Variants in GPHN observed in about 807,000 individuals in gnomAD.
The protein encoded by GPHN is gephyrin.
Under a neutral mutation model 95.5 loss-of-function variants are expected in GPHN, and 17 were observed. The observed-to-expected ratio is 0.18, with a 90% CI of 0.12 to 0.27. The LOEUF (loss-of-function observed/expected upper bound fraction) is 0.27. GPHN is among the 10% of genes least tolerant of loss of function. The pLI is 1.00. For missense variants in GPHN, 660 were observed against 978.1 expected (o/e 0.67, Z 4.34); for synonymous variants, 320 against 322.5 (o/e 0.99, Z 0.08).
At chr14:66,580,316 T>C (rs1403067654) in intron 1 of GPHN, among the ~76,000 whole-genome samples, 2 of 151,740 alleles carry the variant, frequency 1.3e-5, no homozygotes, top group Non-Finnish European at 3.0e-5. Context: ...AATAACACAC[T>C]AAGCCCATAG....
chr14:66,812,706 T>G (rs2060810981), intron 3 of GPHN, among the ~76,000 whole-genome samples: 1 of 152,192 alleles, frequency 6.6e-6, no homozygotes, highest in South Asian at 2.1e-4. Context: ...ATTTAGTAAA[T>G]ATATAGCATC....
intron 5 of GPHN, among the ~76,000 whole-genome samples, chr14:66,902,070 T>A (rs1241483623): frequency 6.6e-6 from 1 of 152,074 alleles, no homozygotes; most frequent in African/African-American, 2.4e-5. Context: ...ATGGTTCTTC[T>A]TGTATAGGTC....
At chr14:67,726,624 TC>T in the GPHN span, among the ~76,000 whole-genome samples, 2 of 152,152 alleles carry the variant, frequency 1.3e-5, no homozygotes, top group African/African-American at 4.8e-5. Flanking sequence ...TGTTTTCTGA[TC>T]CTAAGCAAAT....
At chr14:67,699,937 C>G in the GPHN span, among the ~76,000 whole-genome samples, 2 of 151,878 alleles carry the variant, frequency 1.3e-5, no homozygotes, top group Non-Finnish European at 2.9e-5. Context: ...GTCAAGACAT[C>G]GAGACCATCC....
the GPHN span, among the ~76,000 whole-genome samples, chr14:67,654,198 C>T: frequency 2.6e-5 from 4 of 152,196 alleles, no homozygotes; most frequent in African/African-American, 9.7e-5. Flanking sequence ...CCTCGACCTC[C>T]CAGGCTCAAG....
chr14:67,157,493 A>G (rs2081664561), intron 18 of GPHN, among the ~76,000 whole-genome samples: 1 of 152,158 alleles, frequency 6.6e-6, no homozygotes, highest in Non-Finnish European at 1.5e-5. Context: ...AAGAGTATTC[A>G]AGGCAGAAAA....
At chr14:67,711,478 G>A in the GPHN span, among the ~76,000 whole-genome samples, 1 of 152,084 alleles carries the variant, frequency 6.6e-6, no homozygotes, top group Non-Finnish European at 1.5e-5. Context: ...GATTTGACTA[G>A]TCTTCCTTTT....
chr14:67,715,871 C>T, the GPHN span, among the ~76,000 whole-genome samples: 33 of 152,164 alleles, frequency 2.2e-4, no homozygotes, highest in Admixed American at 5.2e-4. Flanking sequence ...AAATGTAGAG[C>T]TTATTTCTGT....
the GPHN span, chr14:67,572,024 C>T: frequency 4.7e-6 from 7 of 1,478,538 alleles, no homozygotes; most frequent in Non-Finnish European, 4.6e-6. Context: ...CAGCTCCACC[C>T]CCAGCCCCAG....
At chr14:67,168,323 C>A (rs1178378670) in intron 20 of GPHN, among the ~76,000 whole-genome samples, 1 of 152,166 alleles carries the variant, frequency 6.6e-6, no homozygotes, top group Non-Finnish European at 1.5e-5. Flanking sequence ...ACCTTAATTA[C>A]CTCCTTAAAG....
chr14:67,128,908 G>A (rs996811242), intron 17 of GPHN, among the ~76,000 whole-genome samples: 2 of 151,254 alleles, frequency 1.3e-5, no homozygotes, highest in East Asian at 3.9e-4. Context: ...TCTACCTCAT[G>A]GGTTCAAGCG....
intron 2 of GPHN, among the ~76,000 whole-genome samples, chr14:66,686,304 G>A (rs2067356218): frequency 6.6e-6 from 1 of 152,166 alleles, no homozygotes; most frequent in Non-Finnish European, 1.5e-5. Flanking sequence ...TAGCTTGATA[G>A]GGATGGCATT....
At chr14:67,559,141 TCTC>T in the GPHN span, among the ~76,000 whole-genome samples, 1 of 152,218 alleles carries the variant, frequency 6.6e-6, no homozygotes, top group Non-Finnish European at 1.5e-5. Flanking sequence ...TTTTCAATCA[TCTC>T]CTCTTTTGAC....
At chr14:67,583,020 T>C in the GPHN span, among the ~76,000 whole-genome samples, 2 of 152,190 alleles carry the variant, frequency 1.3e-5, no homozygotes, top group Non-Finnish European at 2.9e-5. Flanking sequence ...CTTCCCATTA[T>C]ATTTAGAAGG....
chr14:66,585,747 T>C (rs1291968111), intron 1 of GPHN, among the ~76,000 whole-genome samples: 2 of 152,224 alleles, frequency 1.3e-5, no homozygotes, highest in Non-Finnish European at 2.9e-5. Flanking sequence ...CACTGTGGTC[T>C]GAGAGACAGT....
Position 66,614,881 on chromosome 14 carries a change from A to G in GPHN, c.65-66226A>G, listed in dbSNP as rs149444732. Among the ~76,000 whole-genome samples the G allele has an allele frequency of 5.9e-5, 9 of 152,116 alleles. No homozygotes were observed. The East Asian group carries it at 1.7e-3, about 29-fold the overall frequency. The stretch of plus-strand genomic sequence containing the variant: ...TCCTTCCCCTAACCGCTCATCACCC[A>G]ACAGGTCCTGGTGTTTGTTATTCTC... On this transcript the variant is annotated intron_variant, in intron 1 of 22. Transcript: ENST00000478722.
the GPHN span, among the ~76,000 whole-genome samples, chr14:67,330,032 AG>A: frequency 6.6e-6 from 1 of 151,004 alleles, no homozygotes; most frequent in African/African-American, 2.4e-5. Flanking sequence ...GTATTGTTAA[AG>A]TCACAGAAAA....
At chr14:67,732,168 G>A in the GPHN span, among the ~76,000 whole-genome samples, 90 of 151,034 alleles carry the variant, frequency 6.0e-4, no homozygotes, top group African/African-American at 2.0e-3. Flanking sequence ...TGGGTGTGGC[G>A]GCTCATGCCT....
chr14:67,491,506 CTTA>C, the GPHN span, among the ~76,000 whole-genome samples: 1 of 152,196 alleles, frequency 6.6e-6, no homozygotes, highest in Non-Finnish European at 1.5e-5. Context: ...ATCAAAGGTG[CTTA>C]TTATGAATAA....
Sources: allele counts gnomAD v4.1 joint callset (sites outside exome capture counted in the v4.1 genomes callset), GRCh38; gene constraint gnomAD v4.1.1; transcripts MANE v1.5; gene names NCBI Gene and HGNC (gene_info 2026-07-23, HGNC 2026-07-21).